NPHP3: variants seen among roughly 807,000 people sequenced by gnomAD.
NPHP3 encodes nephrocystin 3, also known as nephrocystin-3.
A neutral mutation model predicts 171.9 loss-of-function variants in NPHP3; 123 were observed. The observed-to-expected ratio is 0.72, with a 90% CI of 0.62 to 0.83. The LOEUF is 0.83. Ranked by LOEUF, NPHP3 falls within the 40% of genes least tolerant of loss-of-function variation. The pLI is 0.00. For missense variants in NPHP3, 1,506 were observed against 1,591.9 expected, an observed-to-expected ratio of 0.95 and a Z score of 0.92; for synonymous variants, 558 against 579.2, an observed-to-expected ratio of 0.96 and a Z score of 0.52.
At chr3:132,707,686 C>T (rs139014103) in intron 7 of NPHP3, among the ~76,000 whole-genome samples, 1 of 152,092 alleles carries the variant, frequency 6.6e-6, no homozygotes, top group African/African-American at 2.4e-5. Context: ...AGAATCCTAC[C>T]ACTTCTCATC....
Position 132,681,944 on chromosome 3 carries a change from G to T in NPHP3, c.3959C>A (p.Ser1320Tyr), listed in dbSNP as rs1350855452. The T allele has an allele frequency of 6.2e-7, 1 of 1,614,134 alleles. No homozygotes were observed. Among genetic ancestry groups the T allele is most frequent in the Non-Finnish European group, 8.5e-7 (1 of 1,179,988 alleles). The change falls in exon 27 of 27, where the codon TCT (serine) becomes TAT (tyrosine). Residue 1320 changes from serine (S) to tyrosine (Y), a missense_variant. Transcript: ENST00000337331. ...GDTFSLKTAH[S>Y]PNVFLQQGQR Reference sequence around the variant, plus strand: ...TCCTTGCTGAAGGAAAACATTAGGAGAATGAGCTGTTTTTAAGCTAAACGT... The same window carrying T: ...TCCTTGCTGAAGGAAAACATTAGGATAATGAGCTGTTTTTAAGCTAAACGT...
At chr3:132,693,147 C>G in intron 16 of NPHP3, 1 of 275,874 alleles carries the variant, frequency 3.6e-6, no homozygotes, top group Non-Finnish European at 6.9e-6. Flanking sequence ...AAATAGCCCT[C>G]CTATTATAAA....
chr3:132,687,451 T>C (rs13068897), intron 21 of NPHP3, among the ~76,000 whole-genome samples: 8 of 152,164 alleles, frequency 5.3e-5, no homozygotes, highest in Non-Finnish European at 1.0e-4. Flanking sequence ...GTTTTTCTAA[T>C]AAAAAGTTCT....
At chr3:132,718,253 T>A (rs1487549810) in intron 3 of NPHP3, 1 of 287,646 alleles carries the variant, frequency 3.5e-6, no homozygotes, top group Non-Finnish European at 6.7e-6. Context: ...AAATAGAATA[T>A]TTTTCTTTTT....
chr3:132,712,795 A>G (rs1939950067), intron 6 of NPHP3, among the ~76,000 whole-genome samples: 1 of 151,840 alleles, frequency 6.6e-6, no homozygotes, highest in Admixed American at 6.6e-5. Context: ...ATTTATATAT[A>G]TATGAATGAA....
intron 17 of NPHP3, among the ~76,000 whole-genome samples, chr3:132,692,199 A>G (rs184422799): frequency 6.6e-6 from 1 of 152,218 alleles, no homozygotes; most frequent in Admixed American, 6.5e-5. Context: ...CATGTGTGGT[A>G]GGCTGTACCA....
intron 10 of NPHP3, among the ~76,000 whole-genome samples, chr3:132,700,938 G>A (rs1939590267): frequency 6.6e-6 from 1 of 152,048 alleles, no homozygotes; most frequent in South Asian, 2.1e-4. Context: ...TAGCTTATAT[G>A]AACCTTAGTC....
rs1432043104 is a variant in NPHP3 at position 132,692,691 on chromosome 3, G to C, written c.2438C>G (p.Thr813Ser). ...IHSLYKMCLL[T>S]YGCGLLRFQH... is the part of the protein sequence containing the mutation. ...AAACCTAAGCAAGCCACATCCATAA[G>C]TCAACAAACACATTTTGTATAAACT... Residue 813 changes from threonine (T) to serine (S), a missense_variant, in exon 17 of 27, where the codon ACT becomes AGT. Physicochemically the swap from Thr to Ser is moderately conservative, Grantham distance 58. Transcript: ENST00000337331. 1.2e-6 allele frequency: 2 copies of C among 1,613,948 alleles called. No individual in the cohort carries two copies. The highest frequency in any genetic ancestry group is 1.1e-5 in the South Asian group (1 of 91,084).
chr3:132,687,355 GAT>G lies in NPHP3; in HGVS notation c.3126-131_3126-130del. ...TAAATACAGCATTTTTTCTAGAAATGATAGTCATGACATTAAGAATCTCTAAA... is the reference window on the plus strand; with the variant it reads ...TAAATACAGCATTTTTTCTAGAAATGAGTCATGACATTAAGAATCTCTAAA... On this transcript the variant is annotated intron_variant, in intron 21 of 26. Coordinates refer to ENST00000337331, the MANE Select transcript of NPHP3 (RefSeq NM_153240.5). 3 of 579,196 alleles carry G rather than the reference GAT, an allele frequency of 5.2e-6. No homozygotes were observed. The South Asian group carries it at 5.8e-5, about 11-fold the overall frequency. The allele number at this position is 579,196 out of a possible 1,614,324, so 35.9% of individuals were successfully genotyped here. A position where few individuals can be genotyped will look rare whatever the true frequency, so the allele number is the denominator to read the frequency against.
chr3:132,690,776 A>G, intron 18 of NPHP3, 126 bp from the exon 19 acceptor site: 1 of 964,486 alleles, frequency 1.0e-6, no homozygotes, highest in Non-Finnish European at 1.5e-6. Flanking sequence ...AGTATAATTT[A>G]ATACTAAAAA....
At chr3:132,699,828 T>C in intron 12 of NPHP3, 90 bp downstream of exon 12, 1 of 1,380,612 alleles carries the variant, frequency 7.2e-7, no homozygotes, top group African/African-American at 1.4e-5. Context: ...CATATTTTCT[T>C]CTCACAAACA....
chr3:132,693,410 A>G (rs1237263500), intron 16 of NPHP3: 1 of 153,682 alleles, frequency 6.5e-6, no homozygotes, highest in Non-Finnish European at 1.4e-5. Context: ...TTTCTTGTCA[A>G]CACCAGGATC....
intron 11 of NPHP3, 119 bp downstream of exon 11, chr3:132,700,215 A>G (rs1489838383): frequency 8.4e-7 from 1 of 1,195,524 alleles, no homozygotes; most frequent in African/African-American, 1.5e-5. Context: ...TTTTAACCTT[A>G]TATAAAACCA....
At chr3:132,717,186 G>A (rs1940076999) in intron 3 of NPHP3, 1 of 346,378 alleles carries the variant, frequency 2.9e-6, no homozygotes, top group Non-Finnish European at 5.3e-6. Context: ...TAAGAAGGAA[G>A]TTAAAAACAT....
At chr3:132,707,257 C>T (rs1472769490) in intron 7 of NPHP3, among the ~76,000 whole-genome samples, 1 of 152,168 alleles carries the variant, frequency 6.6e-6, no homozygotes, top group Non-Finnish European at 1.5e-5. Flanking sequence ...TATAAAAAGT[C>T]TCCTCCTGCA....
At chr3:132,696,133 C>T (rs182973126) in intron 15 of NPHP3, among the ~76,000 whole-genome samples, 176 of 147,194 alleles carry the variant, frequency 1.2e-3, no homozygotes, top group Non-Finnish European at 1.7e-3. Context: ...TTTTTTTTTA[C>T]CTCAGATTGA....
Position 132,716,891 on chromosome 3 carries a change from T to C in NPHP3, c.689A>G (p.Glu230Gly). The C allele has an allele frequency of 1.2e-6, 2 of 1,614,060 alleles. No homozygotes were observed. The highest frequency in any genetic ancestry group is 1.7e-6 in the Non-Finnish European group (2 of 1,180,012). The change falls in exon 4 of 27, where the codon GAA (glutamate) becomes GGA (glycine). Residue 230 changes from glutamate to glycine, a missense_variant. By Grantham distance (98) the Glu-to-Gly change is moderately conservative. Around this residue, in one of 3 missense-constraint regions of NPHP3, gnomAD observed 930 missense variants for 924.9 expected, o/e 1.01. Transcript: ENST00000337331. ...TCCCAAGGCTCCGCCAGTCCAATAT[T>C]CACATTGGGTTCCAGCAGCTGTTCA... ...TDVTAAGTQC[E>G]YWTGGALGSE...
In NPHP3 at chr3:132,681,776, T is replaced by G; in HGVS notation, c.*134A>C. The stretch of plus-strand genomic sequence containing the variant: ...CCAACTTAATGTAATCCAATACAAC[T>G]TCATACAAATAGCAGTTAAATCACA... On this transcript the variant is annotated 3_prime_UTR_variant, in exon 27 of 27. Coordinates refer to ENST00000337331, the MANE Select transcript of NPHP3 (RefSeq NM_153240.5). 1 of 762,784 alleles carries G rather than the reference T, an allele frequency of 1.3e-6. No individual in the cohort carries two copies. Among genetic ancestry groups the G allele is most frequent in the Non-Finnish European group, 2.3e-6 (1 of 439,204 alleles). The allele number at this position is 762,784 out of a possible 1,614,324, so 47.3% of individuals were successfully genotyped here. A position where few individuals can be genotyped will look rare whatever the true frequency, so the allele number is the denominator to read the frequency against.
At chr3:132,721,213 C>T (rs994069081) in intron 1 of NPHP3, among the ~76,000 whole-genome samples, 5 of 152,200 alleles carry the variant, frequency 3.3e-5, no homozygotes, top group Non-Finnish European at 4.4e-5. Context: ...CCACCACGCC[C>T]GGCTGCTTTA....
Sources: allele counts gnomAD v4.1 joint callset (sites outside exome capture counted in the v4.1 genomes callset), GRCh38; gene constraint gnomAD v4.1.1; regional missense constraint gnomAD v4.1.1; transcripts MANE v1.5; gene names NCBI Gene and HGNC (gene_info 2026-07-23, HGNC 2026-07-21).